The following FHIT variants were observed in gnomAD, a reference collection of about 807,000 sequenced individuals.
The protein encoded by FHIT is bis(5'-adenosyl)-triphosphatase.
In FHIT, 19 loss-of-function variants were observed where a neutral mutation model predicts 17.9. The ratio of observed to expected loss-of-function variants is 1.06; its 90% confidence interval spans 0.74 to 1.56. FHIT has a LOEUF of 1.56. Among genes scored for constraint, FHIT ranks in the 40% most tolerant of loss-of-function variants. The probability of loss-of-function intolerance (pLI) is 0.00; values close to 1 mark genes in which losing one functional copy is unlikely to be tolerated. For synonymous variants in FHIT, 81 were observed against 69.7 expected, an observed-to-expected ratio of 1.16 and a Z score of -0.81; for missense variants, 248 against 189.2, an observed-to-expected ratio of 1.31 and a Z score of -1.82.
intron 4 of FHIT, among the ~76,000 whole-genome samples, chr3:60,777,009 T>A (rs1405131470): frequency 6.6e-6 from 1 of 152,150 alleles, no homozygotes; most frequent in African/African-American, 2.4e-5. Context: ...CATAACGAGG[T>A]TTTCCTAAGG....
chr3:60,615,226 A>G (rs1227148065), intron 4 of FHIT, among the ~76,000 whole-genome samples: 1 of 152,172 alleles, frequency 6.6e-6, no homozygotes, highest in East Asian at 1.9e-4. Flanking sequence ...TCCTGGAGGG[A>G]TGGAAACAAA....
intron 8 of FHIT, among the ~76,000 whole-genome samples, chr3:59,822,321 G>C (rs1700822405): frequency 6.6e-6 from 1 of 152,174 alleles, no homozygotes; most frequent in Admixed American, 6.5e-5. Context: ...CCAGCAGTGG[G>C]ACTGCTGGAT....
At chr3:60,377,456 C>T (rs764910034) in intron 5 of FHIT, among the ~76,000 whole-genome samples, 24 of 140,400 alleles carry the variant, frequency 1.7e-4, no homozygotes, top group Non-Finnish European at 3.4e-4. Flanking sequence ...CATGCCCAGC[C>T]AAGAATTCTT....
At chr3:60,830,191 G>C (rs1406948854) in intron 3 of FHIT, among the ~76,000 whole-genome samples, 1 of 152,066 alleles carries the variant, frequency 6.6e-6, no homozygotes, top group Non-Finnish European at 1.5e-5. Flanking sequence ...GTGTACATGA[G>C]ATACACATAT....
intron 5 of FHIT, among the ~76,000 whole-genome samples, chr3:60,101,364 G>A (rs1176590647): frequency 6.6e-6 from 1 of 152,150 alleles, no homozygotes; most frequent in African/African-American, 2.4e-5. Flanking sequence ...TCTCACACCT[G>A]AGCACTTGCT....
chr3:60,363,188 T>A (rs1049564586), intron 5 of FHIT, among the ~76,000 whole-genome samples: 7 of 152,096 alleles, frequency 4.6e-5, no homozygotes, highest in Admixed American at 4.6e-4. Context: ...GGTGCTCCTA[T>A]CCAGGTCGGC....
intron 5 of FHIT, among the ~76,000 whole-genome samples, chr3:60,081,170 G>C (rs114204655): frequency 6.6e-6 from 1 of 152,112 alleles, no homozygotes; most frequent in African/African-American, 2.4e-5. Flanking sequence ...ACCTGAGGGG[G>C]TTATTTAAAA....
chr3:60,800,444 T>C (rs147719899), intron 4 of FHIT, among the ~76,000 whole-genome samples: 1 of 152,156 alleles, frequency 6.6e-6, no homozygotes, highest in Non-Finnish European at 1.5e-5. Flanking sequence ...CCTTAGCCTG[T>C]GTTCCCCATC....
At chr3:61,184,892 T>C (rs2038457791) in intron 2 of FHIT, among the ~76,000 whole-genome samples, 1 of 152,160 alleles carries the variant, frequency 6.6e-6, no homozygotes, top group South Asian at 2.1e-4. Flanking sequence ...ATTCACATAC[T>C]TAGGAGTGAA....
intron 5 of FHIT, among the ~76,000 whole-genome samples, chr3:60,082,805 A>T (rs536232215): frequency 6.6e-6 from 1 of 152,002 alleles, no homozygotes; most frequent in East Asian, 1.9e-4. Context: ...TATTTTGTCC[A>T]CTTTGTAATA....
At chr3:60,520,451 GAA>G (rs2035315410) in intron 5 of FHIT, among the ~76,000 whole-genome samples, 3 of 152,066 alleles carry the variant, frequency 2.0e-5, no homozygotes, top group Admixed American at 2.0e-4. Flanking sequence ...AGCTGTGGAT[GAA>G]AGAGATTTTA....
intron 2 of FHIT, among the ~76,000 whole-genome samples, chr3:61,048,876 C>G (rs2033916374): frequency 6.6e-6 from 1 of 151,940 alleles, no homozygotes; most frequent in South Asian, 2.1e-4. Context: ...ATCACAAGGA[C>G]AGAAAACCAA....
chr3:60,149,718 C>G (rs1240008605), intron 5 of FHIT, among the ~76,000 whole-genome samples: 1 of 151,926 alleles, frequency 6.6e-6, no homozygotes, highest in Non-Finnish European at 1.5e-5. Flanking sequence ...GAATTCCATC[C>G]TTAGACATGA....
chr3:60,390,396 T>TGAAA (rs1701174274), intron 5 of FHIT, among the ~76,000 whole-genome samples: 2 of 32,030 alleles, frequency 6.2e-5, no homozygotes, highest in African/African-American at 2.4e-4. Flanking sequence ...GTAATGGAGC[T>TGAAA]AAAAAAAAAA....
rs998784185 is a variant in FHIT, at chr3:60,840,584, C to T, written c.-110-18573G>A. Reference sequence around the variant, plus strand: ...TAACACAAGCCAACCTGGGAATCTGCTTGTCTGAAATAGGTAAAGAGTGTC... The same window carrying T: ...TAACACAAGCCAACCTGGGAATCTGTTTGTCTGAAATAGGTAAAGAGTGTC... On this transcript the variant is annotated intron_variant, in intron 3 of 9. Coordinates refer to ENST00000492590, the MANE Select transcript of FHIT (RefSeq NM_002012.4). 7.9e-5 allele frequency among the ~76,000 whole-genome samples: 12 copies of T among 152,322 alleles called. 1 individual carries two copies. The highest frequency in any genetic ancestry group is 2.9e-4 in the African/African-American group (12 of 41,592).
At chr3:60,168,402 A>T (rs867761744) in intron 5 of FHIT, among the ~76,000 whole-genome samples, 1 of 152,174 alleles carries the variant, frequency 6.6e-6, no homozygotes, top group East Asian at 1.9e-4. Flanking sequence ...GATCTCTGCC[A>T]ATACCAACCA....
intron 2 of FHIT, among the ~76,000 whole-genome samples, chr3:61,157,819 C>T (rs546566820): frequency 6.6e-6 from 1 of 152,146 alleles, no homozygotes; most frequent in African/African-American, 2.4e-5. Flanking sequence ...AACTAAATGG[C>T]TATTGATAGG....
At chr3:60,986,866 G>T (rs1268570784) in intron 3 of FHIT, among the ~76,000 whole-genome samples, 1 of 152,082 alleles carries the variant, frequency 6.6e-6, no homozygotes, top group Non-Finnish European at 1.5e-5. Context: ...TTCTTGTCTT[G>T]TCCATTTAAA....
intron 3 of FHIT, among the ~76,000 whole-genome samples, chr3:60,909,770 C>A (rs1465733245): frequency 6.6e-6 from 1 of 152,112 alleles, no homozygotes. Flanking sequence ...GGTAAACATA[C>A]AAGGGAGAGG....
Sources: gnomAD v4.1 joint callset for allele counts (sites outside exome capture counted in the v4.1 genomes callset) on GRCh38, gnomAD v4.1.1 for gene constraint, MANE v1.5 for transcripts, NCBI Gene and HGNC (gene_info 2026-07-23, HGNC 2026-07-21) for gene names.